The following TBCA variants were observed in gnomAD, a reference collection of about 807,000 sequenced individuals.
TBCA encodes tubulin-specific chaperone A.
TBCA carries 6 observed loss-of-function variants against 15.8 expected under a neutral mutation model. That is an observed-to-expected ratio of 0.38 (90% confidence interval 0.21 to 0.75). The LOEUF is 0.75. Among genes scored for constraint, TBCA ranks in the 30% least tolerant of loss-of-function variants. TBCA has a pLI of 0.46. For missense variants in TBCA, 90 were observed against 131.2 expected (o/e 0.69, Z 1.53); for synonymous variants, 32 against 42.3 (o/e 0.76, Z 0.94).
chr5:77,699,463 A>C (rs911863525), intron 2 of TBCA, among the ~76,000 whole-genome samples: 6 of 152,224 alleles, frequency 3.9e-5, no homozygotes, highest in South Asian at 2.1e-4. Context: ...TGACAAAGAT[A>C]CAAAAGCAAT....
intron 1 of TBCA, among the ~76,000 whole-genome samples, chr5:77,764,399 G>A (rs1424871567): frequency 6.6e-6 from 1 of 152,148 alleles, no homozygotes; most frequent in Admixed American, 6.5e-5. Flanking sequence ...TGAGTATGTG[G>A]CATAAATCAA....
intron 1 of TBCA, among the ~76,000 whole-genome samples, chr5:77,764,496 G>C (rs1438023940): frequency 6.8e-6 from 1 of 147,618 alleles, no homozygotes; most frequent in Non-Finnish European, 1.5e-5. Flanking sequence ...ATTCCTTACA[G>C]CACACTTAAG....
intron 2 of TBCA, among the ~76,000 whole-genome samples, chr5:77,702,168 G>C (rs1746034359): frequency 6.6e-6 from 1 of 151,994 alleles, no homozygotes; most frequent in South Asian, 2.1e-4. Context: ...AATACCACCT[G>C]TGCCCCCAAA....
chr5:77,707,440 G>A (rs1746175799), intron 2 of TBCA, among the ~76,000 whole-genome samples: 1 of 152,160 alleles, frequency 6.6e-6, no homozygotes, highest in Non-Finnish European at 1.5e-5. Context: ...AATTAATAAG[G>A]AGAGGGTAGG....
intron 1 of TBCA, among the ~76,000 whole-genome samples, chr5:77,758,445 G>A (rs1411763146): frequency 1.3e-5 from 2 of 152,162 alleles, no homozygotes; most frequent in Non-Finnish European, 1.5e-5. Flanking sequence ...AATCAATCAC[G>A]ACCCTTTCAT....
intron 1 of TBCA, among the ~76,000 whole-genome samples, chr5:77,762,925 CT>C (rs1161991146): frequency 6.6e-6 from 1 of 152,110 alleles, no homozygotes; most frequent in Admixed American, 6.5e-5. Context: ...TTTTCTTTTG[CT>C]ATTTATCTTG....
chr5:77,734,643 C>T (rs773695072), intron 1 of TBCA, among the ~76,000 whole-genome samples: 2 of 152,194 alleles, frequency 1.3e-5, no homozygotes, highest in Non-Finnish European at 2.9e-5. Flanking sequence ...AAGTCTACTT[C>T]TAAAATGACA....
intron 2 of TBCA, among the ~76,000 whole-genome samples, chr5:77,702,017 TA>T (rs1055050773): frequency 3.3e-5 from 5 of 151,730 alleles, no homozygotes; most frequent in African/African-American, 1.2e-4. Context: ...AATGACACAA[TA>T]GACCTTGGGG....
intron 1 of TBCA, among the ~76,000 whole-genome samples, chr5:77,745,112 T>C (rs1747155329): frequency 6.6e-6 from 1 of 152,156 alleles, no homozygotes. Flanking sequence ...GAATGTTCAA[T>C]AAATATCAAC....
At chr5:77,771,108 G>C (rs533082166) in intron 1 of TBCA, among the ~76,000 whole-genome samples, 1 of 152,006 alleles carries the variant, frequency 6.6e-6, no homozygotes, top group Non-Finnish European at 1.5e-5. Context: ...GTGACACAGC[G>C]AGACTCTGAC....
rs150661003 is a variant in TBCA at position 77,709,101 on chromosome 5, A to G, written c.54-754T>C. ...ATTCAGTAGATTGCATGTCAAATCC[A>G]AAACAAAGAAAGACTGGATTATTTT... is the stretch of plus-strand genomic sequence containing the variant. On this transcript the variant is annotated intron_variant, in intron 1 of 3. Transcript: ENST00000380377. 3.8e-3 allele frequency among the ~76,000 whole-genome samples: 584 copies of G among 152,228 alleles called. 4 individuals are homozygous for G. The highest frequency in any genetic ancestry group is 0.012 in the African/African-American group (493 of 41,532).
chr5:77,741,067 T>C (rs1747019428), intron 1 of TBCA, among the ~76,000 whole-genome samples: 1 of 152,172 alleles, frequency 6.6e-6, no homozygotes. Context: ...GACAACTGTG[T>C]CAACTGTTAC....
intron 1 of TBCA, among the ~76,000 whole-genome samples, chr5:77,771,723 C>G (rs1747919931): frequency 6.6e-6 from 1 of 152,184 alleles, no homozygotes; most frequent in African/African-American, 2.4e-5. Flanking sequence ...TCCATATTCC[C>G]CTAACATTCA....
At chr5:77,731,061 GA>G (rs1444679896) in intron 1 of TBCA, among the ~76,000 whole-genome samples, 1 of 152,072 alleles carries the variant, frequency 6.6e-6, no homozygotes, top group Admixed American at 6.5e-5. Context: ...TCCTTTAGAT[GA>G]AAATCTTAGC....
intron 1 of TBCA, among the ~76,000 whole-genome samples, chr5:77,753,527 T>C (rs1232842180): frequency 6.6e-6 from 1 of 152,126 alleles, no homozygotes; most frequent in East Asian, 1.9e-4. Flanking sequence ...CAGGCCTTCA[T>C]AAAAGAGAGA....
chr5:77,710,686 A>C (rs1300849725), intron 1 of TBCA, among the ~76,000 whole-genome samples: 1 of 152,198 alleles, frequency 6.6e-6, no homozygotes, highest in Non-Finnish European at 1.5e-5. Flanking sequence ...GTTGTCTCCT[A>C]TAGATGGGTC....
At chr5:77,737,579 A>G (rs537151361) in intron 1 of TBCA, among the ~76,000 whole-genome samples, 2 of 152,200 alleles carry the variant, frequency 1.3e-5, no homozygotes, top group African/African-American at 4.8e-5. Flanking sequence ...TCCCTGTCTC[A>G]GGTTCATCGT....
rs985098809 is a variant in TBCA, at chr5:77,700,405, T to A, written c.160-7053A>T. On this transcript the variant is annotated intron_variant, in intron 2 of 3. Coordinates refer to ENST00000380377, the MANE Select transcript of TBCA (RefSeq NM_004607.3). ...ATTAGTGGGCAAAAGGCCTGATCAC[T>A]CATTTTCACTGAAGAGGATATACAG... 4.6e-5 allele frequency among the ~76,000 whole-genome samples: 7 copies of A among 151,896 alleles called. 1 individual carries two copies. The highest frequency in any genetic ancestry group is 4.6e-4 in the Admixed American group (7 of 15,248).
chr5:77,748,408 G>T (rs915593592), intron 1 of TBCA, among the ~76,000 whole-genome samples: 2 of 151,802 alleles, frequency 1.3e-5, no homozygotes, highest in African/African-American at 2.4e-5. Flanking sequence ...ATGGGGGAGG[G>T]AGAGACTCAG....
Sources: gnomAD v4.1 joint callset for allele counts (sites outside exome capture counted in the v4.1 genomes callset) on GRCh38, gnomAD v4.1.1 for gene constraint, MANE v1.5 for transcripts, NCBI Gene and HGNC (gene_info 2026-07-23, HGNC 2026-07-21) for gene names.